GRIK3: variants seen among roughly 807,000 people sequenced by gnomAD.
The protein encoded by GRIK3 is glutamate ionotropic receptor kainate type subunit 3, also known as glutamate receptor ionotropic, kainate 3.
Under a neutral mutation model 102.5 loss-of-function variants are expected in GRIK3, and 29 were observed. The ratio of observed to expected loss-of-function variants is 0.28; its 90% confidence interval spans 0.21 to 0.39. The LOEUF (loss-of-function observed/expected upper bound fraction) is 0.39, where lower values mean the gene tolerates loss of function less well. Ranked by LOEUF, GRIK3 falls within the 10% of genes least tolerant of loss-of-function variation. GRIK3 has a pLI of 1.00. For missense variants in GRIK3, 908 were observed against 1,252.4 expected (o/e 0.73, Z 4.15); for synonymous variants, 511 against 504.9 (o/e 1.01, Z -0.16).
intron 1 of GRIK3, among the ~76,000 whole-genome samples, chr1:36,924,982 G>A (rs1641512301): frequency 6.6e-6 from 1 of 152,048 alleles, no homozygotes; most frequent in African/African-American, 2.4e-5. Flanking sequence ...TATGTGAAAG[G>A]CAGTATTTAC....
chr1:36,825,132 G>A (rs1034528266), intron 11 of GRIK3, among the ~76,000 whole-genome samples: 2 of 152,212 alleles, frequency 1.3e-5, no homozygotes, highest in African/African-American at 2.4e-5. Flanking sequence ...GTGTATGTGT[G>A]CCGTGTTTCT....
chr1:36,947,055 G>A (rs1413312689), intron 1 of GRIK3, among the ~76,000 whole-genome samples: 1 of 152,142 alleles, frequency 6.6e-6, no homozygotes, highest in African/African-American at 2.4e-5. Context: ...GCTAGAGGAG[G>A]AGAAGGGAAA....
intron 2 of GRIK3, among the ~76,000 whole-genome samples, chr1:36,881,411 T>C (rs1291651022): frequency 6.6e-6 from 1 of 152,146 alleles, no homozygotes; most frequent in Non-Finnish European, 1.5e-5. Flanking sequence ...CAGGATCCCC[T>C]CTTGTCCCAA....
At chr1:36,809,296 C>A (rs1359998828) in intron 13 of GRIK3, among the ~76,000 whole-genome samples, 1 of 152,110 alleles carries the variant, frequency 6.6e-6, no homozygotes, top group African/African-American at 2.4e-5. Context: ...CTAGTTAATT[C>A]AACTAATCTG....
At chr1:36,871,434 A>C in intron 4 of GRIK3, among the ~76,000 whole-genome samples, 1 of 152,168 alleles carries the variant, frequency 6.6e-6, no homozygotes, top group Non-Finnish European at 1.5e-5. Flanking sequence ...GCCCCACAGA[A>C]TGCCTCCTCC....
Position 36,846,624 on chromosome 1 carries a change from C to T in GRIK3, c.1326+3687G>A, listed in dbSNP as rs557359875. 3.9e-4 allele frequency among the ~76,000 whole-genome samples: 60 copies of T among 152,306 alleles called. 1 individual carries two copies. The highest frequency in any genetic ancestry group is 1.3e-3 in the African/African-American group (56 of 41,572). On this transcript the variant is annotated intron_variant, in intron 9 of 15. Coordinates refer to ENST00000373091, the MANE Select transcript of GRIK3 (RefSeq NM_000831.4). ...TGTGCTCTCAGCAGGAGGTGCTGGC[C>T]CTACATTCAGGCTGCGAAGCATGGG...
chr1:36,944,450 A>T (rs1250805980), intron 1 of GRIK3, among the ~76,000 whole-genome samples: 5 of 152,096 alleles, frequency 3.3e-5, no homozygotes, highest in Non-Finnish European at 7.4e-5. Context: ...GAAGCAGGAA[A>T]TTGAGAGTTG....
intron 1 of GRIK3, among the ~76,000 whole-genome samples, chr1:37,033,632 C>G (rs1642854585): frequency 6.6e-6 from 1 of 152,226 alleles, no homozygotes; most frequent in Non-Finnish European, 1.5e-5. Flanking sequence ...GGTCCCCACT[C>G]TGCGGAGAAG....
intron 3 of GRIK3, among the ~76,000 whole-genome samples, chr1:36,878,271 G>A (rs1292617066): frequency 6.6e-6 from 1 of 152,218 alleles, no homozygotes. Flanking sequence ...GCTGGGAGGT[G>A]GGCAGGAGTG....
intron 7 of GRIK3, 46 bp from the exon 8 acceptor site, chr1:36,853,768 T>G (rs376449842): frequency 3.1e-5 from 32 of 1,021,424 alleles, no homozygotes; most frequent in Non-Finnish European, 5.0e-5. Context: ...GGCTTATAAA[T>G]CATCATTCGG....
Position 36,880,997 on chromosome 1 carries a change from C to A in GRIK3, c.293-106G>T. On this transcript the variant is annotated intron_variant, in intron 2 of 15. Transcript: ENST00000373091. This position sits in a 1 kb window ranked among gnomAD's most constrained non-coding sequence, Gnocchi z 5.4. ...CATGTGGGAAAAACAGCAACTGGAA[C>A]CCTCGGTGGGTGCACAATGGATGAG... 1 of 1,247,350 alleles carries A rather than the reference C, an allele frequency of 8.0e-7. No individual in the cohort carries two copies. Among genetic ancestry groups the A allele is most frequent in the Non-Finnish European group, 1.1e-6 (1 of 903,968 alleles). 77.3% of individuals were successfully genotyped at this position (1,247,350 alleles called of 1,614,324 possible). A position where few individuals can be genotyped will look rare whatever the true frequency, so the allele number is the denominator to read the frequency against.
intron 1 of GRIK3, among the ~76,000 whole-genome samples, chr1:36,988,246 G>A (rs917920223): frequency 2.6e-5 from 4 of 152,104 alleles, no homozygotes; most frequent in South Asian, 2.1e-4. Context: ...AGCCGAGGTC[G>A]CACCACTGCA....
At chr1:37,000,226 T>C (rs1642461224) in intron 1 of GRIK3, among the ~76,000 whole-genome samples, 2 of 152,202 alleles carry the variant, frequency 1.3e-5, no homozygotes, top group African/African-American at 4.8e-5. Flanking sequence ...ATTTCAGCCC[T>C]CCTACGGTTA....
intron 1 of GRIK3, among the ~76,000 whole-genome samples, chr1:36,896,779 T>C (rs963348195): frequency 6.6e-6 from 1 of 152,146 alleles, no homozygotes; most frequent in Admixed American, 6.6e-5. Context: ...ATTTTAACTA[T>C]ACAGGTGCAC....
intron 1 of GRIK3, among the ~76,000 whole-genome samples, chr1:36,966,765 A>AC (rs146412803): frequency 0.028 from 4,259 of 150,868 alleles, 205 homozygotes; most frequent in African/African-American, 0.098. Context: ...GATACAGACC[A>AC]CCCCCCCAAC....
At chr1:36,876,400 C>T (rs1640913029) in intron 3 of GRIK3, among the ~76,000 whole-genome samples, 1 of 152,082 alleles carries the variant, frequency 6.6e-6, no homozygotes, top group African/African-American at 2.4e-5. Context: ...TTGGCCTCTA[C>T]CTTCTGTATG....
In GRIK3 at chr1:36,796,640, C is replaced by G. The variant is rs966789744; in HGVS notation, c.*5211G>C. The G allele has an allele frequency of 6.6e-6, 1 of 152,276 alleles. No homozygotes were observed. The highest frequency in any genetic ancestry group is 2.4e-5 in the African/African-American group (1 of 41,460). 9.4% of individuals were successfully genotyped at this position (152,276 alleles called of 1,614,324 possible). ...GGCATGGGAACACTGTATCGGCATG[C>G]TGGCCATGCCCTGGGGGCATTCTCT... On this transcript the variant is annotated 3_prime_UTR_variant, in exon 16 of 16. Coordinates refer to ENST00000373091, the MANE Select transcript of GRIK3 (RefSeq NM_000831.4).
intron 13 of GRIK3, among the ~76,000 whole-genome samples, chr1:36,814,379 G>A (rs1180764192): frequency 6.6e-6 from 1 of 152,058 alleles, no homozygotes; most frequent in Admixed American, 6.5e-5. Flanking sequence ...GGATAGGCAG[G>A]AGCAGGCAGG....
chr1:36,971,792 A>G (rs1224231564), intron 1 of GRIK3, among the ~76,000 whole-genome samples: 1 of 152,150 alleles, frequency 6.6e-6, no homozygotes, highest in Admixed American at 6.5e-5. Flanking sequence ...CAGCACAGTC[A>G]TCAGCATCCA....
Sources: allele counts gnomAD v4.1 joint callset (sites outside exome capture counted in the v4.1 genomes callset), GRCh38; gene constraint gnomAD v4.1.1; non-coding constraint Gnocchi (gnomAD v3.1); transcripts MANE v1.5; gene names NCBI Gene and HGNC (gene_info 2026-07-23, HGNC 2026-07-21).